Variants in UBE3D observed in about 807,000 individuals in gnomAD.
UBE3D encodes ubiquitin protein ligase E3D.
A neutral mutation model predicts 49.6 loss-of-function variants in UBE3D; 48 were observed. The ratio of observed to expected loss-of-function variants is 0.97; its 90% CI spans 0.77 to 1.23. The LOEUF is 1.23. UBE3D is among the 50% of genes most tolerant of loss of function. The probability of loss-of-function intolerance (pLI) is 0.00; values close to 1 mark genes in which losing one functional copy is unlikely to be tolerated. For missense variants in UBE3D, 452 were observed against 468.4 expected, an observed-to-expected ratio of 0.96 and a Z score of 0.32; for synonymous variants, 189 against 174.2, an observed-to-expected ratio of 1.08 and a Z score of -0.67.
In UBE3D at chr6:83,025,884, A is replaced by T. The variant is rs1356029253; in HGVS notation, c.668-1846T>A. ...GGCGACAGAACGTGACTCCATCTTAAAAAAAAAAAAAAAAAAAAAAAGAAA... is the reference window on the plus strand; with the variant it reads ...GGCGACAGAACGTGACTCCATCTTATAAAAAAAAAAAAAAAAAAAAAGAAA... On this transcript the variant is annotated intron_variant, in intron 5 of 9. Transcript: ENST00000369747. 6.8e-4 allele frequency among the ~76,000 whole-genome samples: 10 copies of T among 14,800 alleles called. No individual in the cohort carries two copies. In the Admixed American group the frequency reaches 9.9e-3, roughly 15 times the overall value. The allele number at this position is 14,800 out of a possible 152,430, so 9.7% of individuals were successfully genotyped here. A position where few individuals can be genotyped will look rare whatever the true frequency, so the allele number is the denominator to read the frequency against.
At chr6:82,941,453 T>A (rs1158453437) in intron 9 of UBE3D, among the ~76,000 whole-genome samples, 1 of 151,896 alleles carries the variant, frequency 6.6e-6, no homozygotes, top group African/African-American at 2.4e-5. Flanking sequence ...AAAAAAAGAG[T>A]GCAGAGATAA....
chr6:82,898,320 A>G (rs926100025), intron 9 of UBE3D, among the ~76,000 whole-genome samples: 1 of 152,200 alleles, frequency 6.6e-6, no homozygotes, highest in African/African-American at 2.4e-5. Context: ...CAGCAATCCC[A>G]TTACTGGGTA....
chr6:83,014,578 T>C (rs1780563830), intron 8 of UBE3D, among the ~76,000 whole-genome samples: 1 of 152,166 alleles, frequency 6.6e-6, no homozygotes, highest in Non-Finnish European at 1.5e-5. Context: ...TATTTTAACT[T>C]GAGGACCACA....
At chr6:83,034,079 T>C (rs1782068591) in intron 5 of UBE3D, among the ~76,000 whole-genome samples, 1 of 152,254 alleles carries the variant, frequency 6.6e-6, no homozygotes, top group African/African-American at 2.4e-5. Context: ...AGTGCCCTAA[T>C]ATGGTTCTTA....
chr6:82,975,119 C>A lies in UBE3D; in HGVS notation c.1011-17669G>T, dbSNP rs1291986419. Among the ~76,000 whole-genome samples, 4 of 152,020 alleles carry A rather than the reference C, an allele frequency of 2.6e-5. No individual in the cohort carries two copies. In the South Asian group the frequency reaches 8.3e-4, roughly 32 times the overall value. On this transcript the variant is annotated intron_variant, in intron 8 of 9. Transcript: ENST00000369747. Reference sequence around the variant, plus strand: ...AACACACATTTTTCAGTGAAAGCAGCAAAATTATACTTTGGATATGAGTTC... The same window carrying A: ...AACACACATTTTTCAGTGAAAGCAGAAAAATTATACTTTGGATATGAGTTC...
chr6:82,920,586 C>T lies in UBE3D; in HGVS notation c.1150-27544G>A, dbSNP rs141555057. On this transcript the variant is annotated intron_variant, in intron 9 of 9. Transcript: ENST00000369747. ...AGTGATATGAACCTCTCCAAAGTTT[C>T]GGTGTCCTCCTCTTTACTATGGGAA... Among the ~76,000 whole-genome samples the T allele has an allele frequency of 1.9e-3, 289 of 152,272 alleles. 1 individual carries two copies. The highest frequency in any genetic ancestry group is 6.5e-3 in the African/African-American group (271 of 41,560).
intron 2 of UBE3D, among the ~76,000 whole-genome samples, chr6:83,056,990 C>A (rs1475149294): frequency 6.6e-6 from 1 of 152,176 alleles, no homozygotes. Context: ...TAATTTTATA[C>A]AATAAATAAC....
chr6:83,065,743 A>C lies in UBE3D; in HGVS notation c.-25T>G. Reference sequence around the variant, plus strand: ...TGGCAGGCTTCCAGTCCCAGACCGGACCAAGCTGGAGGTTCCGAGGGGCCC... The same window carrying C: ...TGGCAGGCTTCCAGTCCCAGACCGGCCCAAGCTGGAGGTTCCGAGGGGCCC... On this transcript the variant is annotated 5_prime_UTR_variant, in exon 1 of 10. Transcript: ENST00000369747. The C allele has an allele frequency of 6.2e-7, 1 of 1,600,440 alleles. No individual in the cohort carries two copies. The highest frequency in any genetic ancestry group is 8.5e-7 in the Non-Finnish European group (1 of 1,173,708).
intron 9 of UBE3D, among the ~76,000 whole-genome samples, chr6:82,919,630 A>ATAC (rs1773181806): frequency 1.3e-5 from 2 of 151,984 alleles, no homozygotes; most frequent in East Asian, 1.9e-4. Flanking sequence ...AATAATAATA[A>ATAC]TAAAAAAAGA....
chr6:83,053,941 C>T (rs1439151911), intron 3 of UBE3D, among the ~76,000 whole-genome samples: 1 of 152,168 alleles, frequency 6.6e-6, no homozygotes, highest in Non-Finnish European at 1.5e-5. Context: ...AAGCCAGCAT[C>T]CTAGTGCTCC....
intron 1 of UBE3D, among the ~76,000 whole-genome samples, chr6:83,060,194 G>A (rs1169583745): frequency 1.3e-5 from 2 of 152,058 alleles, no homozygotes; most frequent in Admixed American, 6.6e-5. Context: ...TCCATAACAG[G>A]GTCCAAGCAG....
chr6:83,022,130 G>A (rs1052764316), intron 7 of UBE3D, among the ~76,000 whole-genome samples: 3 of 151,976 alleles, frequency 2.0e-5, no homozygotes, highest in African/African-American at 4.8e-5. Flanking sequence ...GAGTTCAAGC[G>A]ATTCTCCTGC....
At chr6:82,896,301 C>A (rs147333163) in intron 9 of UBE3D, among the ~76,000 whole-genome samples, 429 of 152,220 alleles carry the variant, frequency 2.8e-3, no homozygotes, top group African/African-American at 9.6e-3. Context: ...TCATTTTATT[C>A]CCCAAAGTAA....
intron 6 of UBE3D, among the ~76,000 whole-genome samples, chr6:83,023,698 A>G (rs1781257567): frequency 6.6e-6 from 1 of 152,216 alleles, no homozygotes; most frequent in African/African-American, 2.4e-5. Context: ...ATGCAAAGGC[A>G]TAAGAATAAT....
At chr6:82,930,315 T>C (rs1774053299) in intron 9 of UBE3D, among the ~76,000 whole-genome samples, 1 of 152,180 alleles carries the variant, frequency 6.6e-6, no homozygotes, top group Admixed American at 6.5e-5. Context: ...TATGTCTTTA[T>C]TAGCAGCGTG....
At position 83,057,880 on chromosome 6, in the gene UBE3D, C is replaced by A. The variant is rs1244925086; in HGVS notation, c.220G>T (p.Val74Phe). 4.3e-6 allele frequency: 7 copies of A among 1,614,192 alleles called. No homozygotes were observed. The highest frequency in any genetic ancestry group is 3.4e-6 in the Non-Finnish European group (4 of 1,180,028). Residue 74 changes from valine to phenylalanine, a missense_variant, in exon 2 of 10, where the codon GTT becomes TTT. By Grantham distance (50) the Val-to-Phe change is conservative. Coordinates refer to ENST00000369747, the MANE Select transcript of UBE3D (RefSeq NM_198920.3). ...CGCAGGTGCAGTCCATCTCCAACAA[C>A]AAACTGTAGCCCACGGCAAGAGGAA... The part of the protein sequence containing the change: ...VPSSCRGLQF[V>F]VGDGLHLRLQ...
At chr6:82,961,492 T>C (rs1776543760) in intron 8 of UBE3D, among the ~76,000 whole-genome samples, 1 of 152,180 alleles carries the variant, frequency 6.6e-6, no homozygotes, top group Non-Finnish European at 1.5e-5. Flanking sequence ...TTGTCCAACA[T>C]CATGCAGTTA....
intron 8 of UBE3D, among the ~76,000 whole-genome samples, chr6:82,998,565 C>T (rs184546188): frequency 4.6e-5 from 7 of 152,278 alleles, no homozygotes; most frequent in Admixed American, 2.6e-4. Context: ...TGAATAAGTG[C>T]TAAAACTCCA....
chr6:83,062,993 A>G (rs1784263666), intron 1 of UBE3D, among the ~76,000 whole-genome samples: 1 of 152,260 alleles, frequency 6.6e-6, no homozygotes, highest in African/African-American at 2.4e-5. Context: ...TAAACCTGCC[A>G]AAACATCTTC....
Sources: gnomAD v4.1 joint callset for allele counts (sites outside exome capture counted in the v4.1 genomes callset) on GRCh38, gnomAD v4.1.1 for gene constraint, MANE v1.5 for transcripts, NCBI Gene and HGNC (gene_info 2026-07-23, HGNC 2026-07-21) for gene names.